The following HECW2 variants were observed in gnomAD, a reference collection of about 807,000 sequenced individuals.
HECW2 encodes HECT, C2 and WW domain containing E3 ubiquitin protein ligase 2, also known as E3 ubiquitin-protein ligase HECW2.
HECW2 carries 61 observed loss-of-function variants against 175.2 expected under a neutral mutation model. The ratio of observed to expected loss-of-function variants is 0.35; its 90% CI spans 0.28 to 0.43. The LOEUF is 0.43. HECW2 is among the 20% of genes least tolerant of loss of function. The probability of loss-of-function intolerance (pLI) is 1.00; values close to 1 mark genes in which losing one functional copy is unlikely to be tolerated. For synonymous variants in HECW2, 671 were observed against 731.0 expected (o/e 0.92, Z 1.32); for missense variants, 1,524 against 2,000.5 (o/e 0.76, Z 4.54).
intron 17 of HECW2, among the ~76,000 whole-genome samples, chr2:196,265,409 C>T (rs547663138): frequency 3.9e-5 from 6 of 152,124 alleles, no homozygotes; most frequent in South Asian, 2.1e-4. Flanking sequence ...TGCTTGAACC[C>T]GGGAGGCAGA....
intron 4 of HECW2, among the ~76,000 whole-genome samples, chr2:196,333,009 C>T (rs1411300910): frequency 6.6e-6 from 1 of 151,872 alleles, no homozygotes; most frequent in East Asian, 1.9e-4. Context: ...TTTGCACACA[C>T]TATTCCCTCT....
intron 1 of HECW2, among the ~76,000 whole-genome samples, chr2:196,552,764 T>C (rs1400016752): frequency 1.3e-5 from 2 of 152,180 alleles, no homozygotes; most frequent in Admixed American, 1.3e-4. Flanking sequence ...TTCCATTAGA[T>C]TTTACTTCCA....
At chr2:196,472,353 C>T (rs1315858610) in intron 1 of HECW2, among the ~76,000 whole-genome samples, 2 of 149,774 alleles carry the variant, frequency 1.3e-5, no homozygotes, top group East Asian at 2.0e-4. Context: ...TGGTCAGGGG[C>T]GGGGGGCGCC....
At chr2:196,521,567 G>A (rs1316440442) in intron 1 of HECW2, among the ~76,000 whole-genome samples, 1 of 149,760 alleles carries the variant, frequency 6.7e-6, no homozygotes, top group East Asian at 2.0e-4. Flanking sequence ...GTGCCATGCT[G>A]GTGCGCTGCA....
intron 2 of HECW2, among the ~76,000 whole-genome samples, chr2:196,376,791 A>G (rs1358591604): frequency 2.7e-5 from 4 of 149,968 alleles, no homozygotes; most frequent in South Asian, 2.1e-4. Context: ...AAAATTAGCC[A>G]GGTGTGGTGG....
intron 3 of HECW2, among the ~76,000 whole-genome samples, chr2:196,335,742 T>A (rs973447462): frequency 1.3e-5 from 2 of 152,256 alleles, no homozygotes; most frequent in Non-Finnish European, 2.9e-5. Flanking sequence ...TGAGTCCTTA[T>A]ATTATTTATG....
chr2:196,489,501 A>G (rs542199611), intron 1 of HECW2, among the ~76,000 whole-genome samples: 1 of 152,316 alleles, frequency 6.6e-6, no homozygotes, highest in South Asian at 2.1e-4. Context: ...CTCTATAATG[A>G]AAGTCCCACA....
At chr2:196,350,192 C>G (rs998836449) in intron 2 of HECW2, among the ~76,000 whole-genome samples, 1 of 152,006 alleles carries the variant, frequency 6.6e-6, no homozygotes, top group Non-Finnish European at 1.5e-5. Flanking sequence ...GGTGAAACCT[C>G]GACTCTAATA....
intron 28 of HECW2, among the ~76,000 whole-genome samples, chr2:196,208,452 A>G (rs967557768): frequency 2.6e-5 from 4 of 152,244 alleles, no homozygotes; most frequent in Non-Finnish European, 5.9e-5. Flanking sequence ...TTTAATTCAG[A>G]TAAGGTACTT....
intron 1 of HECW2, among the ~76,000 whole-genome samples, chr2:196,466,231 A>G (rs1696947691): frequency 6.6e-6 from 1 of 152,200 alleles, no homozygotes. Context: ...AAAGAGTTGG[A>G]AAGTGGAGGA....
At chr2:196,227,080 A>C (rs1687875696) in intron 22 of HECW2, among the ~76,000 whole-genome samples, 1 of 152,242 alleles carries the variant, frequency 6.6e-6, no homozygotes, top group South Asian at 2.1e-4. Flanking sequence ...CATTTTAAGA[A>C]CAATGTCCAG....
At chr2:196,259,653 T>C (rs1028536278) in intron 17 of HECW2, among the ~76,000 whole-genome samples, 1 of 152,192 alleles carries the variant, frequency 6.6e-6, no homozygotes. Context: ...CTTAAGGTTA[T>C]TTCAGTGAAG....
rs185641744 is a variant in HECW2 at position 196,548,706 on chromosome 2, A to C, written c.-36+44802T>G. Among the ~76,000 whole-genome samples the C allele has an allele frequency of 6.0e-4, 91 of 152,340 alleles. No individual in the cohort carries two copies. In the East Asian group the frequency reaches 9.3e-3, roughly 15 times the overall value. On this transcript the variant is annotated intron_variant, in intron 1 of 28. Transcript: ENST00000644978. ...CCACAGCCTGGGTGGCTTAAACAACAGAAACGTATTTTCCCACAGTTCTGG... is the reference window on the plus strand; with the variant it reads ...CCACAGCCTGGGTGGCTTAAACAACCGAAACGTATTTTCCCACAGTTCTGG...
chr2:196,499,196 T>C (rs1036610249), intron 1 of HECW2, among the ~76,000 whole-genome samples: 7 of 151,724 alleles, frequency 4.6e-5, no homozygotes, highest in African/African-American at 1.2e-4. Context: ...TTCTGGGCAG[T>C]AGGCAAGAAG....
chr2:196,384,082 G>A (rs1020309579), intron 2 of HECW2, among the ~76,000 whole-genome samples: 1 of 152,144 alleles, frequency 6.6e-6, no homozygotes, highest in African/African-American at 2.4e-5. Context: ...TCTTCCATCT[G>A]TGTAAAACCA....
intron 1 of HECW2, among the ~76,000 whole-genome samples, chr2:196,518,432 G>T (rs972938936): frequency 2.0e-5 from 3 of 151,946 alleles, no homozygotes; most frequent in African/African-American, 7.3e-5. Flanking sequence ...GAGGTGGGTG[G>T]ATCGCTTGAG....
intron 1 of HECW2, among the ~76,000 whole-genome samples, chr2:196,499,388 G>C (rs775021216): frequency 6.6e-6 from 1 of 151,268 alleles, no homozygotes; most frequent in Non-Finnish European, 1.5e-5. Flanking sequence ...CCAGCATTAA[G>C]CATTCTTTTT....
chr2:196,259,180 G>A (rs766524253), intron 17 of HECW2, among the ~76,000 whole-genome samples: 4 of 152,126 alleles, frequency 2.6e-5, no homozygotes, highest in East Asian at 1.9e-4. Flanking sequence ...TGCCATGTTC[G>A]CCATGCTGGT....
At chr2:196,537,718 A>T (rs1689067096) in intron 1 of HECW2, among the ~76,000 whole-genome samples, 1 of 152,172 alleles carries the variant, frequency 6.6e-6, no homozygotes, top group African/African-American at 2.4e-5. Flanking sequence ...CAAATTAATC[A>T]TGTTTACTAA....
Sources: gnomAD v4.1 joint callset for allele counts (sites outside exome capture counted in the v4.1 genomes callset) on GRCh38, gnomAD v4.1.1 for gene constraint, MANE v1.5 for transcripts, NCBI Gene and HGNC (gene_info 2026-07-23, HGNC 2026-07-21) for gene names.